Variants in TMEM217 observed in about 807,000 individuals in gnomAD.
The protein encoded by TMEM217 is chromosome 6 open reading frame 128.
For missense variants in TMEM217, 204 were observed against 248.8 expected (o/e 0.82, Z 1.21); for synonymous variants, 76 against 88.3 (o/e 0.86, Z 0.78).
intron 1 of TMEM217, among the ~76,000 whole-genome samples, chr6:37,229,274 G>A (rs1562010134): frequency 6.6e-6 from 1 of 150,688 alleles, no homozygotes; most frequent in African/African-American, 2.4e-5. Flanking sequence ...CCCTTGTCCT[G>A]TGGGAGGTCG....
intron 1 of TMEM217, among the ~76,000 whole-genome samples, chr6:37,235,783 G>T (rs1243083937): frequency 6.6e-6 from 1 of 152,188 alleles, no homozygotes; most frequent in Non-Finnish European, 1.5e-5. Flanking sequence ...TGTCCTCACA[G>T]GGAGGAAAGT....
chr6:37,235,546 T>G (rs1669847014), intron 1 of TMEM217, among the ~76,000 whole-genome samples: 1 of 151,628 alleles, frequency 6.6e-6, no homozygotes, highest in African/African-American at 2.4e-5. Context: ...TTTCTATTTT[T>G]TAGTAGAGAT....
Position 37,253,453 on chromosome 6 carries a change from A to G in TMEM217, c.-12+4115T>C, listed in dbSNP as rs562962822. Among the ~76,000 whole-genome samples the G allele has an allele frequency of 6.6e-5, 10 of 152,140 alleles. No homozygotes were observed. In the South Asian group the frequency reaches 1.7e-3, roughly 25 times the overall value. Reference sequence around the variant, plus strand: ...TTCTCTTCCTCTCTTTATTCCTATAACCTCTTACTTTTTCAGTCTTTTTGC... The same window carrying G: ...TTCTCTTCCTCTCTTTATTCCTATAGCCTCTTACTTTTTCAGTCTTTTTGC... On this transcript the variant is annotated intron_variant, in intron 1 of 1. Transcript: ENST00000357219.
At chr6:37,237,571 G>A (rs1764564857) in intron 1 of TMEM217, among the ~76,000 whole-genome samples, 1 of 152,148 alleles carries the variant, frequency 6.6e-6, no homozygotes, top group Non-Finnish European at 1.5e-5. Context: ...GAATGTAACA[G>A]AATTAGACCA....
intron 1 of TMEM217, among the ~76,000 whole-genome samples, chr6:37,241,877 C>A (rs571534924): frequency 1.3e-5 from 2 of 152,024 alleles, no homozygotes; most frequent in Non-Finnish European, 1.5e-5. Flanking sequence ...TGTATGTAAC[C>A]GTGTAAATTT....
intron 1 of TMEM217, among the ~76,000 whole-genome samples, chr6:37,223,924 G>T (rs1037077439): frequency 1.3e-5 from 2 of 148,674 alleles, no homozygotes; most frequent in African/African-American, 5.0e-5. Context: ...GCTCAACAGA[G>T]CCTCCTGCCT....
At chr6:37,224,763 A>G (rs1221964759) in intron 1 of TMEM217, among the ~76,000 whole-genome samples, 1 of 152,186 alleles carries the variant, frequency 6.6e-6, no homozygotes, top group Admixed American at 6.6e-5. Context: ...TTTTTCTAAA[A>G]TATTTTTCAA....
exon 2 of TMEM217, chr6:37,218,856 A>C: frequency 6.2e-7 from 1 of 1,614,176 alleles, no homozygotes; most frequent in Non-Finnish European, 8.5e-7. Context: ...CAGATGATGA[A>C]GTTATTTATG....
chr6:37,233,829 C>T (rs1172375948), intron 1 of TMEM217, among the ~76,000 whole-genome samples: 1 of 152,030 alleles, frequency 6.6e-6, no homozygotes, highest in South Asian at 2.1e-4. Flanking sequence ...GTCGATGGTT[C>T]GACTTAAATT....
At chr6:37,225,812 A>C (rs1177371606) in intron 1 of TMEM217, among the ~76,000 whole-genome samples, 1 of 152,218 alleles carries the variant, frequency 6.6e-6, no homozygotes, top group Non-Finnish European at 1.5e-5. Context: ...AACGGGATGC[A>C]AATGCAAGTG....
At chr6:37,228,780 A>G (rs796515438) in intron 1 of TMEM217, among the ~76,000 whole-genome samples, 4 of 151,744 alleles carry the variant, frequency 2.6e-5, no homozygotes, top group Non-Finnish European at 5.9e-5. Context: ...GGCGGATCAC[A>G]AGGTCAGGAG....
intron 1 of TMEM217, among the ~76,000 whole-genome samples, chr6:37,225,320 CATT>C (rs1362317727): frequency 1.3e-5 from 2 of 152,036 alleles, no homozygotes; most frequent in African/African-American, 4.8e-5. Flanking sequence ...AATTATGAGG[CATT>C]ATTCTGTTTC....
intron 1 of TMEM217, among the ~76,000 whole-genome samples, chr6:37,241,001 C>A (rs902128655): frequency 7.9e-5 from 12 of 151,952 alleles, no homozygotes; most frequent in African/African-American, 2.7e-4. Context: ...GTTTTACTGA[C>A]CTTTTTGCAA....
chr6:37,217,230 G>A (rs1763252719), downstream of TMEM217, among the ~76,000 whole-genome samples: 1 of 152,208 alleles, frequency 6.6e-6, no homozygotes, highest in Admixed American at 6.5e-5. Context: ...GGAGGCGGGG[G>A]TTGCAGTGAG....
At chr6:37,215,367 G>T, downstream of TMEM217, 1 of 1,475,324 alleles carries the variant, frequency 6.8e-7, no homozygotes, top group Non-Finnish European at 9.1e-7. Context: ...ACGAGGTCAG[G>T]AGTTCAAGAC....
chr6:37,219,997 T>C (rs1244544193), intron 1 of TMEM217, among the ~76,000 whole-genome samples: 6 of 152,184 alleles, frequency 3.9e-5, no homozygotes, highest in African/African-American at 1.4e-4. Context: ...AGCCCTAGGA[T>C]AGACTAGCCT....
chr6:37,248,458 C>T (rs1765220919), intron 1 of TMEM217, among the ~76,000 whole-genome samples: 1 of 152,158 alleles, frequency 6.6e-6, no homozygotes, highest in Admixed American at 6.5e-5. Context: ...TCCCTTCACT[C>T]ACCCAATACC....
chr6:37,243,421 T>A (rs2622884), intron 1 of TMEM217, among the ~76,000 whole-genome samples: 136,229 of 152,234 alleles, frequency 0.89, 60,993 homozygotes, highest in African/African-American at 0.92. Flanking sequence ...CCTGTCCTTC[T>A]TCCCAGTGTA....
In TMEM217 at chr6:37,225,009, TA is replaced by T. The variant is rs1364051135; in HGVS notation, c.-11-5969del. Among the ~76,000 whole-genome samples, 227 of 132,202 alleles carry T rather than the reference TA, an allele frequency of 1.7e-3. 1 individual carries two copies. The highest frequency in any genetic ancestry group is 0.014 in the South Asian group (59 of 4,176). The allele number at this position is 132,202 out of a possible 152,430, so 86.7% of individuals were successfully genotyped here. On this transcript the variant is annotated intron_variant, in intron 1 of 1. Transcript: ENST00000357219. ...ACCTGCCCAACATGGCCCATCTCTA[TA>T]AAAAAAAAAAAAAAAACACCACCAC...
Sources: allele counts gnomAD v4.1 joint callset (sites outside exome capture counted in the v4.1 genomes callset), GRCh38; gene constraint gnomAD v4.1.1; transcripts MANE v1.5; gene names NCBI Gene and HGNC (gene_info 2026-07-23, HGNC 2026-07-21).